CEP295: variants seen among roughly 807,000 people sequenced by gnomAD.
CEP295 encodes the protein centrosomal protein of 295 kDa.
A neutral mutation model predicts 291.6 loss-of-function variants in CEP295; 190 were observed. The ratio of observed to expected loss-of-function variants is 0.65; its 90% CI spans 0.58 to 0.73. The LOEUF is 0.73. Ranked by LOEUF, CEP295 falls within the 30% of genes least tolerant of loss-of-function variation. The pLI is 0.00. For synonymous variants in CEP295, 993 were observed against 1,038.8 expected (o/e 0.96, Z 0.85); for missense variants, 2,863 against 2,949.4 (o/e 0.97, Z 0.68).
intron 1 of CEP295, among the ~76,000 whole-genome samples, chr11:93,665,699 C>T (rs1005223549): frequency 1.3e-5 from 2 of 152,116 alleles, no homozygotes; most frequent in South Asian, 4.1e-4. Context: ...CAGAACGAGA[C>T]TCCATCTCAA....
chr11:93,713,255 A>T (rs1953031261), intron 18 of CEP295, among the ~76,000 whole-genome samples: 1 of 152,158 alleles, frequency 6.6e-6, no homozygotes, highest in Non-Finnish European at 1.5e-5. Context: ...ACAGTTTTAT[A>T]ATATTCTGTG....
In CEP295 at chr11:93,691,951, C is replaced by G; in HGVS notation, c.1454C>G (p.Thr485Arg). The G allele has an allele frequency of 6.5e-7, 1 of 1,544,710 alleles. No individual in the cohort carries two copies. Among genetic ancestry groups the G allele is most frequent in the Non-Finnish European group, 8.8e-7 (1 of 1,141,464 alleles). The change falls in exon 12 of 30, where the codon ACA (threonine) becomes AGA (arginine). Residue 485 changes from threonine to arginine, a missense_variant. Thr to Arg is a moderately conservative substitution (Grantham distance 71). Around this residue, in one of 3 missense-constraint regions of CEP295, gnomAD observed 554 missense variants for 576.0 expected, o/e 0.96. Transcript: ENST00000325212. ...EQEINETLPI[T>R]TVAQSSVLLH... Reference sequence around the variant, plus strand: ...GAAATAAATGAGACTCTGCCTATCACAACTGTAGCTCAGAGTTCAGTTCTA... The same window carrying G: ...GAAATAAATGAGACTCTGCCTATCAGAACTGTAGCTCAGAGTTCAGTTCTA...
chr11:93,696,901 T>C lies in CEP295; in HGVS notation c.1989T>C (p.Pro663=), dbSNP rs1184048529. The C allele has an allele frequency of 1.9e-6, 3 of 1,551,854 alleles. No homozygotes were observed. Among genetic ancestry groups the C allele is most frequent in the South Asian group, 1.2e-5 (1 of 84,070 alleles). ...LSPNKYQPIQ[P]IQTSKLEQDH... is the part of the protein sequence containing the mutation. Reference sequence around the variant, plus strand: ...CTAACAAATACCAACCCATACAACCTATACAGACCTCCAAATTAGAACAAG... The same window carrying C: ...CTAACAAATACCAACCCATACAACCCATACAGACCTCCAAATTAGAACAAG... The change falls in exon 15 of 30, where the codon CCT becomes CCC. Residue 663 remains proline (P), a synonymous_variant. Transcript: ENST00000325212.
At chr11:93,695,432 A>C in intron 12 of CEP295, 65 bp from the exon 13 acceptor site, 2 of 1,087,934 alleles carry the variant, frequency 1.8e-6, no homozygotes, top group Non-Finnish European at 2.5e-6. Flanking sequence ...TTTAAATGGA[A>C]CGTGTGTTAT....
intron 5 of CEP295, among the ~76,000 whole-genome samples, chr11:93,672,762 T>G (rs1044046608): frequency 6.6e-6 from 1 of 152,170 alleles, no homozygotes; most frequent in Admixed American, 6.5e-5. Flanking sequence ...TATTAACAGA[T>G]CATCCTAATT....
chr11:93,676,084 T>A (rs1213684866), intron 6 of CEP295, among the ~76,000 whole-genome samples: 1 of 152,060 alleles, frequency 6.6e-6, no homozygotes, highest in Non-Finnish European at 1.5e-5. Context: ...AAAACATGAT[T>A]TTTAGTGGCC....
chr11:93,668,581 A>G (rs776135427), intron 3 of CEP295, among the ~76,000 whole-genome samples: 2 of 152,146 alleles, frequency 1.3e-5, no homozygotes, highest in African/African-American at 2.4e-5. Flanking sequence ...TCCTATTTAT[A>G]TTTTTGTAAT....
chr11:93,680,106 G>A (rs527545422), intron 7 of CEP295, among the ~76,000 whole-genome samples: 6 of 152,182 alleles, frequency 3.9e-5, no homozygotes, highest in Non-Finnish European at 7.4e-5. Context: ...GAGAAACCAC[G>A]TCTCTACTTA....
At position 93,693,256 on chromosome 11, in the gene CEP295, G is replaced by A. The variant is rs369597496; in HGVS notation, c.1533+1226G>A. 4.0e-5 allele frequency among the ~76,000 whole-genome samples: 6 copies of A among 151,836 alleles called. No individual in the cohort carries two copies. In the East Asian group the frequency reaches 1.2e-3, roughly 29 times the overall value. ...TGCGCCACTGCACTCCAGCCTGGGCGACAGAGCCAGACTCTGTCTCAAAAA... is the reference window on the plus strand; with the variant it reads ...TGCGCCACTGCACTCCAGCCTGGGCAACAGAGCCAGACTCTGTCTCAAAAA... On this transcript the variant is annotated intron_variant, in intron 12 of 29. Transcript: ENST00000325212.
chr11:93,708,876 A>C (rs1186330442), intron 18 of CEP295, among the ~76,000 whole-genome samples: 1 of 152,190 alleles, frequency 6.6e-6, no homozygotes, highest in Non-Finnish European at 1.5e-5. Context: ...AGTTTTGATT[A>C]GCATTTCTCT....
Position 93,723,271 on chromosome 11 carries a change from G to GA in CEP295, c.6184dup (p.Thr2062AsnfsTer12). 2 of 1,510,982 alleles carry GA rather than the reference G, an allele frequency of 1.3e-6. No individual in the cohort carries two copies. Among genetic ancestry groups the GA allele is most frequent in the Non-Finnish European group, 1.8e-6 (2 of 1,123,460 alleles). 93.6% of individuals were successfully genotyped at this position (1,510,982 alleles called of 1,614,324 possible). A position where few individuals can be genotyped will look rare whatever the true frequency, so the allele number is the denominator to read the frequency against. On this transcript the variant is annotated frameshift_variant, in exon 21 of 30. Transcript: ENST00000325212. LOFTEE classifies it high-confidence loss of function. Reference sequence around the variant, plus strand: ...CATTAATGAAGCAAATTTGATACCTGAAAAAACAGATTTGCAAGGTAAAAT... The same window carrying GA: ...CATTAATGAAGCAAATTTGATACCTGAAAAAAACAGATTTGCAAGGTAAAAT...
At chr11:93,721,862 G>A (rs1400559003) in intron 19 of CEP295, 92 bp from the exon 20 acceptor site, 2 of 828,456 alleles carry the variant, frequency 2.4e-6, no homozygotes, top group Non-Finnish European at 4.2e-6. Flanking sequence ...CTTGACCTGA[G>A]CTCAGAAGTG....
intron 19 of CEP295, 31 bp from the exon 20 acceptor site, chr11:93,721,923 A>C (rs775773141): frequency 6.8e-7 from 1 of 1,478,604 alleles, no homozygotes; most frequent in Admixed American, 1.7e-5. Context: ...TACTTGCTAC[A>C]TTGTGGTATG....
rs1366933597 is a variant in CEP295 at position 93,696,984 on chromosome 11, A to G, written c.2072A>G (p.Glu691Gly). 6.4e-7 allele frequency: 1 copy of G among 1,551,770 alleles called. No homozygotes were observed. ...CCACAAAGACAGGTGGAAACAACAG[A>G]AACATTACGCGCTTCAGATATTTTA... The part of the protein sequence containing the change: ...HFPQRQVETT[E>G]TLRASDILTN... Residue 691 changes from glutamate to glycine, a missense_variant, in exon 15 of 30, where the codon GAA becomes GGA. Glu to Gly is a moderately conservative substitution (Grantham distance 98). Coordinates refer to ENST00000325212, the MANE Select transcript of CEP295 (RefSeq NM_033395.2).
Position 93,730,264 on chromosome 11 carries a change from T to C in CEP295, c.7801T>C (p.Cys2601Arg), listed in dbSNP as rs1026865923. 20 of 1,547,748 alleles carry C rather than the reference T, an allele frequency of 1.3e-5. No homozygotes were observed. Among genetic ancestry groups the C allele is most frequent in the Non-Finnish European group, 1.7e-5 (20 of 1,144,186 alleles). Residue 2601 changes from cysteine (C) to arginine (R), a missense_variant, in exon 30 of 30, where the codon TGC (cysteine) becomes CGC (arginine). Cys to Arg is a radical substitution (Grantham distance 180). Around this residue, in one of 3 missense-constraint regions of CEP295, gnomAD observed 2,295 missense variants for 2,335.7 expected, o/e 0.98. Transcript: ENST00000325212. ...AGAGAAACTTCGAGCCAAAAATACA[T>C]GCTGACTTTCTAGAAATAGTGTAAA... ...TLEKLRAKNT[C>R] is the part of the protein sequence containing the mutation.
chr11:93,665,473 T>C (rs1950165541), intron 1 of CEP295, among the ~76,000 whole-genome samples: 1 of 152,162 alleles, frequency 6.6e-6, no homozygotes, highest in Non-Finnish European at 1.5e-5. Context: ...CTGGGGAGGC[T>C]GAGGCAGGTG....
Position 93,667,716 on chromosome 11 carries a change from A to G in CEP295, c.218A>G (p.Glu73Gly). The change falls in exon 3 of 30, where the codon GAA (glutamate) becomes GGA (glycine). Residue 73 changes from glutamate to glycine, a missense_variant. By Grantham distance (98) the Glu-to-Gly change is moderately conservative. Coordinates refer to ENST00000325212, the MANE Select transcript of CEP295 (RefSeq NM_033395.2). ...GAGGAGCTAAGGGCAGAATGGGAAGAATCACAAACTCAGAAAATACAGAAC... is the reference window on the plus strand; with the variant it reads ...GAGGAGCTAAGGGCAGAATGGGAAGGATCACAAACTCAGAAAATACAGAAC... ...LAEELRAEWEESQTQKIQNLE... is the reference protein window; with the variant it reads ...LAEELRAEWEGSQTQKIQNLE... 1 of 1,551,574 alleles carries G rather than the reference A, an allele frequency of 6.4e-7. No individual in the cohort carries two copies. Among genetic ancestry groups the G allele is most frequent in the Non-Finnish European group, 8.7e-7 (1 of 1,146,866 alleles).
In CEP295 at chr11:93,716,471, G is replaced by A. The variant is rs150282016; in HGVS notation, c.5750-4841G>A. 2.6e-3 allele frequency among the ~76,000 whole-genome samples: 397 copies of A among 152,314 alleles called. 2 individuals are homozygous for A. Among genetic ancestry groups the A allele is most frequent in the African/African-American group, 9.2e-3 (382 of 41,568 alleles). On this transcript the variant is annotated intron_variant, in intron 18 of 29. Transcript: ENST00000325212. ...TGATTGCTCACCGGATTTTTGGTTC[G>A]TATGAAGGTACTTTTTTATATGGTT...
intron 17 of CEP295, among the ~76,000 whole-genome samples, chr11:93,703,710 A>G (rs1565193804): frequency 2.0e-5 from 3 of 149,798 alleles, no homozygotes. Context: ...TATTCACTGT[A>G]CTACTTTCTA....
Sources: allele counts gnomAD v4.1 joint callset (sites outside exome capture counted in the v4.1 genomes callset), GRCh38; gene constraint gnomAD v4.1.1; regional missense constraint gnomAD v4.1.1; transcripts MANE v1.5; gene names NCBI Gene and HGNC (gene_info 2026-07-23, HGNC 2026-07-21).